Variants in BBS9 observed in about 807,000 individuals in gnomAD.
BBS9 encodes the protein Bardet-Biedl syndrome 9.
Under a neutral mutation model 117.7 loss-of-function variants are expected in BBS9, and 89 were observed. The ratio of observed to expected loss-of-function variants is 0.76; its 90% confidence interval spans 0.64 to 0.90. The LOEUF is 0.90. Among genes scored for constraint, BBS9 ranks in the 40% least tolerant of loss-of-function variants. BBS9 has a pLI of 0.00. For synonymous variants in BBS9, 379 were observed against 370.9 expected, an observed-to-expected ratio of 1.02 and a Z score of -0.25; for missense variants, 982 against 1,042.2, an observed-to-expected ratio of 0.94 and a Z score of 0.80.
At chr7:33,488,988 C>CTTTTTTTTTTTT (rs869216155) in intron 19 of BBS9, among the ~76,000 whole-genome samples, 1 of 103,334 alleles carries the variant, frequency 9.7e-6, no homozygotes, top group Non-Finnish European at 1.9e-5. Context: ...GGACAGACTT[C>CTTTTTTTTTTTT]TTTTTTTTTT....
Position 33,506,388 on chromosome 7 carries a change from C to A in BBS9, c.2298+743C>A, listed in dbSNP as rs967859930. Among the ~76,000 whole-genome samples, 5 of 152,240 alleles carry A rather than the reference C, an allele frequency of 3.3e-5. No individual in the cohort carries two copies. In the East Asian group the frequency reaches 9.7e-4, roughly 29 times the overall value. ...GGATGAAAACATTTCAAGGGGAAATCATTTCAAATCCATTTTAAAACCTAG... is the reference window on the plus strand; with the variant it reads ...GGATGAAAACATTTCAAGGGGAAATAATTTCAAATCCATTTTAAAACCTAG... On this transcript the variant is annotated intron_variant, in intron 20 of 22. Coordinates refer to ENST00000242067, the MANE Select transcript of BBS9 (RefSeq NM_198428.3).
chr7:33,282,306 A>T (rs1393331275), intron 9 of BBS9, among the ~76,000 whole-genome samples: 2 of 152,190 alleles, frequency 1.3e-5, no homozygotes, highest in Non-Finnish European at 2.9e-5. Flanking sequence ...CAACCCTGAT[A>T]TTTTTCTCTA....
chr7:33,332,487 G>T (rs1355693480), intron 9 of BBS9, among the ~76,000 whole-genome samples: 1 of 152,138 alleles, frequency 6.6e-6, no homozygotes, highest in East Asian at 1.9e-4. Flanking sequence ...GACCAGCCTG[G>T]CCAAAATGGC....
intron 19 of BBS9, among the ~76,000 whole-genome samples, chr7:33,468,747 G>GAGAA (rs542044351): frequency 6.6e-4 from 101 of 152,182 alleles, no homozygotes; most frequent in Middle Eastern, 3.4e-3. Context: ...ACATATGAAT[G>GAGAA]AGAACATGCA....
At chr7:33,340,361 TATTTATGACTTTGGGACATTGC>T (rs1816260432) in intron 10 of BBS9, among the ~76,000 whole-genome samples, 1 of 152,178 alleles carries the variant, frequency 6.6e-6, no homozygotes, top group Non-Finnish European at 1.5e-5. Context: ...ACAGCACCCT[TATTTATGACTTTGGGACATTGC>T]ATAGTACAGA....
intron 4 of BBS9, among the ~76,000 whole-genome samples, chr7:33,158,445 G>C (rs1562698764): frequency 6.6e-6 from 1 of 152,156 alleles, no homozygotes; most frequent in Non-Finnish European, 1.5e-5. Flanking sequence ...TTATGTCACT[G>C]ATGCTTTTTT....
At chr7:33,279,431 CT>C (rs1378613444) in intron 9 of BBS9, among the ~76,000 whole-genome samples, 24 of 152,188 alleles carry the variant, frequency 1.6e-4, no homozygotes, top group African/African-American at 5.8e-4. Context: ...TAATTTTTCT[CT>C]TGCTTTTTAT....
At chr7:33,439,319 T>C (rs1030070485) in intron 19 of BBS9, among the ~76,000 whole-genome samples, 3 of 152,156 alleles carry the variant, frequency 2.0e-5, no homozygotes, top group African/African-American at 7.2e-5. Flanking sequence ...TCTTACTACT[T>C]TTTGCATGTA....
intron 5 of BBS9, among the ~76,000 whole-genome samples, chr7:33,198,537 A>G (rs1384496138): frequency 6.6e-6 from 1 of 152,004 alleles, no homozygotes; most frequent in East Asian, 1.9e-4. Context: ...AAGGAAAGAA[A>G]AAAGACTTTA....
At chr7:33,169,358 T>C (rs1161767217) in intron 4 of BBS9, among the ~76,000 whole-genome samples, 1 of 151,330 alleles carries the variant, frequency 6.6e-6, no homozygotes, top group Non-Finnish European at 1.5e-5. Flanking sequence ...ATGGTATTTC[T>C]AGTTCTAGAT....
rs1789912437 is a variant in BBS9, at chr7:33,133,269, CA to C, written c.-12+3230del. ...GTTGAAATACAATTCAAATACCATA[CA>C]ATTCACCCATTTAACACATAAAATT... On this transcript the variant is annotated intron_variant, in intron 1 of 22. Coordinates refer to ENST00000242067, the MANE Select transcript of BBS9 (RefSeq NM_198428.3). Among the ~76,000 whole-genome samples, 3 of 152,274 alleles carry C rather than the reference CA, an allele frequency of 2.0e-5. No homozygotes were observed. The South Asian group carries it at 6.2e-4, about 32-fold the overall frequency.
chr7:33,519,424 C>G (rs1253018503), intron 20 of BBS9, among the ~76,000 whole-genome samples: 4 of 152,168 alleles, frequency 2.6e-5, no homozygotes, highest in African/African-American at 7.2e-5. Context: ...ACTTCAGATT[C>G]ATTAGAATCA....
At chr7:33,578,208 G>A (rs1367080773) in intron 21 of BBS9, among the ~76,000 whole-genome samples, 2 of 152,138 alleles carry the variant, frequency 1.3e-5, no homozygotes, top group Non-Finnish European at 2.9e-5. Context: ...GAAATAAGGA[G>A]GGAAGCTATT....
chr7:33,582,469 A>G (rs1308108381), intron 21 of BBS9, among the ~76,000 whole-genome samples: 1 of 152,074 alleles, frequency 6.6e-6, no homozygotes, highest in Non-Finnish European at 1.5e-5. Flanking sequence ...GCTTTTAAGT[A>G]CAAGGATGAT....
At chr7:33,606,373 G>A (rs555687258), downstream of BBS9, among the ~76,000 whole-genome samples, 5 of 152,250 alleles carry the variant, frequency 3.3e-5, no homozygotes, top group East Asian at 7.7e-4. Flanking sequence ...GGATTCTATT[G>A]GATGCTGTCT....
intron 21 of BBS9, among the ~76,000 whole-genome samples, chr7:33,541,267 C>T (rs991343386): frequency 2.0e-5 from 3 of 152,106 alleles, no homozygotes; most frequent in Non-Finnish European, 2.9e-5. Context: ...GGCCAGAGGC[C>T]TCAAGAAACA....
Position 33,136,070 on chromosome 7 carries a change from C to T in BBS9, c.-12+6029C>T, listed in dbSNP as rs151243158. On this transcript the variant is annotated intron_variant, in intron 1 of 22. Transcript: ENST00000242067. ...TCCTGTGTAGCTAGTATTACAGGTG[C>T]GCACCAGCATACCTGGCTAACTTAT... Among the ~76,000 whole-genome samples, 411 of 152,056 alleles carry T rather than the reference C, an allele frequency of 2.7e-3. 2 individuals carry two copies. The highest frequency in any genetic ancestry group is 2.1e-3 in the Non-Finnish European group (143 of 67,994).
intron 5 of BBS9, among the ~76,000 whole-genome samples, chr7:33,191,994 C>A (rs1166966420): frequency 6.6e-6 from 1 of 151,546 alleles, no homozygotes; most frequent in South Asian, 2.1e-4. Context: ...CCAAACGCAA[C>A]CACTGAAAAC....
At chr7:33,372,273 T>C (rs1318680087) in intron 17 of BBS9, among the ~76,000 whole-genome samples, 1 of 152,110 alleles carries the variant, frequency 6.6e-6, no homozygotes, top group Non-Finnish European at 1.5e-5. Context: ...GAAAATGAGG[T>C]ATCACAGTTG....
Sources: allele counts gnomAD v4.1 joint callset (sites outside exome capture counted in the v4.1 genomes callset), GRCh38; gene constraint gnomAD v4.1.1; transcripts MANE v1.5; gene names NCBI Gene and HGNC (gene_info 2026-07-23, HGNC 2026-07-21).